The following MOV10L1 variants were observed in gnomAD, a reference collection of about 807,000 sequenced individuals.
The protein encoded by MOV10L1 is Mov10 like RNA helicase 1, also known as RNA helicase Mov10l1.
In MOV10L1, 110 loss-of-function variants were observed where a neutral mutation model predicts 143.8. The observed-to-expected ratio is 0.76, with a 90% CI of 0.66 to 0.90. The LOEUF is 0.90. Ranked by LOEUF, MOV10L1 falls within the 40% of genes least tolerant of loss-of-function variation. The pLI, the probability that MOV10L1 is intolerant of heterozygous loss-of-function variation, is 0.00. For synonymous variants in MOV10L1, 593 were observed against 581.1 expected (o/e 1.02, Z -0.29); for missense variants, 1,406 against 1,526.8 (o/e 0.92, Z 1.32).
chr22:50,151,568 C>T (rs1021209892), intron 21 of MOV10L1, among the ~76,000 whole-genome samples: 1 of 143,120 alleles, frequency 7.0e-6, no homozygotes, highest in African/African-American at 2.5e-5. Context: ...AGGGACTACC[C>T]GCAAGACAGG....
At chr22:50,139,973 A>G (rs1158111405) in intron 15 of MOV10L1, among the ~76,000 whole-genome samples, 3 of 152,108 alleles carry the variant, frequency 2.0e-5, no homozygotes, top group Non-Finnish European at 2.9e-5. Context: ...CTGCCATACA[A>G]CCCAGCCATT....
At chr22:50,135,636 A>G (rs975665381) in intron 15 of MOV10L1, among the ~76,000 whole-genome samples, 1 of 151,782 alleles carries the variant, frequency 6.6e-6, no homozygotes, top group East Asian at 2.0e-4. Context: ...CTGTAATCCC[A>G]GCTACTCAGG....
At chr22:50,136,640 T>A (rs1216141409) in intron 15 of MOV10L1, among the ~76,000 whole-genome samples, 1 of 152,034 alleles carries the variant, frequency 6.6e-6, no homozygotes, top group Non-Finnish European at 1.5e-5. Flanking sequence ...TGCAGTGACC[T>A]GAGTACAGAG....
At chr22:50,126,895 G>A (rs982038011) in intron 12 of MOV10L1, among the ~76,000 whole-genome samples, 1 of 152,216 alleles carries the variant, frequency 6.6e-6, no homozygotes, top group African/African-American at 2.4e-5. Context: ...ATAAGGATCT[G>A]GAGAAGAGGC....
chr22:50,091,647 C>G (rs985747948), intron 1 of MOV10L1, among the ~76,000 whole-genome samples: 1 of 152,172 alleles, frequency 6.6e-6, no homozygotes, highest in Non-Finnish European at 1.5e-5. Context: ...TAGTCTCCAT[C>G]TTACAGATGG....
At chr22:50,161,333 G>A (rs988417846) in intron 26 of MOV10L1, 35 bp from the exon 27 acceptor site, 4 of 1,508,966 alleles carry the variant, frequency 2.7e-6, no homozygotes, top group African/African-American at 1.4e-5. Flanking sequence ...GTGGGAGCCT[G>A]GCTCACTGGC....
intron 15 of MOV10L1, among the ~76,000 whole-genome samples, chr22:50,140,223 T>G (rs1223687712): frequency 1.3e-5 from 2 of 152,122 alleles, no homozygotes; most frequent in Non-Finnish European, 2.9e-5. Flanking sequence ...TTATATGAAG[T>G]ATGAAGTTCG....
intron 1 of MOV10L1, chr22:50,090,742 TCTCGGCTCACCGCAAC>T (rs1361216419): frequency 1.8e-6 from 1 of 542,408 alleles, no homozygotes; most frequent in Non-Finnish European, 3.3e-6. Context: ...AGTGGCGCAA[TCTCGGCTCACCGCAAC>T]CTCCGCCTTC....
At position 50,161,590 on chromosome 22, in the gene MOV10L1, G is replaced by A. The variant is rs2063561441; in HGVS notation, c.*141G>A. The A allele has an allele frequency of 1.1e-5, 9 of 784,812 alleles. No homozygotes were observed. The East Asian group carries it at 2.0e-4, about 17-fold the overall frequency. The allele number at this position is 784,812 out of a possible 1,614,324, so 48.6% of individuals were successfully genotyped here. A position where few individuals can be genotyped will look rare whatever the true frequency, so the allele number is the denominator to read the frequency against. ...TGGGTGTGGGGCTGCCAGGTTGGAC[G>A]CAGCTGCTGCTGCCCTGACTTTGGC... On this transcript the variant is annotated 3_prime_UTR_variant, in exon 27 of 27. Transcript: ENST00000262794.
chr22:50,112,722 A>G (rs2062056628), intron 5 of MOV10L1, among the ~76,000 whole-genome samples: 1 of 152,126 alleles, frequency 6.6e-6, no homozygotes, highest in African/African-American at 2.4e-5. Context: ...GTGCCAAGCG[A>G]GCTCCTGCTC....
chr22:50,134,100 C>T lies in MOV10L1; in HGVS notation c.1969+35C>T, dbSNP rs1445411285. On this transcript the variant is annotated intron_variant, in intron 14 of 26. Coordinates refer to ENST00000262794, the MANE Select transcript of MOV10L1 (RefSeq NM_018995.3). ...TTATAGAATGATAGTGTTACATCTTCACAGAGTATTTTTATAGGCTTCATG... is the reference window on the plus strand; with the variant it reads ...TTATAGAATGATAGTGTTACATCTTTACAGAGTATTTTTATAGGCTTCATG... The T allele has an allele frequency of 3.9e-6, 6 of 1,537,288 alleles. No homozygotes were observed. In the East Asian group the frequency reaches 1.1e-4, roughly 29 times the overall value.
Position 50,114,611 on chromosome 22 carries a change from G to C in MOV10L1, c.1115G>C (p.Gly372Ala), listed in dbSNP as rs775628108. The C allele has an allele frequency of 6.2e-6, 10 of 1,613,954 alleles. No individual in the cohort carries two copies. Among genetic ancestry groups the C allele is most frequent in the Non-Finnish European group, 6.8e-6 (8 of 1,179,976 alleles). Reference protein sequence around the residue: ...MSESSLVNNRGISPGDCTCKG... With the variant: ...MSESSLVNNRAISPGDCTCKG... ...GAGAGCAGTTTGGTGAACAACAGAG[G>C]AATCTCTCCAGGTAGTGGACGTTTC... The change falls in exon 7 of 27, where the codon GGA becomes GCA. Residue 372 changes from glycine to alanine, a missense_variant. This residue lies in a region of MOV10L1 where 1,233 missense variants were observed against 1,351.4 expected (regional missense o/e 0.91). Transcript: ENST00000262794.
intron 9 of MOV10L1, among the ~76,000 whole-genome samples, chr22:50,119,633 C>T (rs1019597031): frequency 8.0e-5 from 12 of 150,796 alleles, no homozygotes; most frequent in Admixed American, 2.7e-4. Context: ...TTACCTTGTT[C>T]GTGTTAGTAA....
At chr22:50,140,125 A>G (rs1027373030) in intron 15 of MOV10L1, among the ~76,000 whole-genome samples, 2 of 152,224 alleles carry the variant, frequency 1.3e-5, no homozygotes, top group African/African-American at 2.4e-5. Flanking sequence ...TTGTGTTCGT[A>G]CAATGGAACA....
intron 7 of MOV10L1, among the ~76,000 whole-genome samples, chr22:50,114,898 C>G (rs552167442): frequency 1.3e-5 from 2 of 152,330 alleles, no homozygotes; most frequent in South Asian, 4.1e-4. Flanking sequence ...CGGGGCAGGC[C>G]TTCTATCCCA....
At position 50,158,203 on chromosome 22, in the gene MOV10L1, GCAGGTACGCCCTGCC is replaced by G; in HGVS notation, c.3216+2_3216+16del. 11 of 1,614,112 alleles carry G rather than the reference GCAGGTACGCCCTGCC, an allele frequency of 6.8e-6. No homozygotes were observed. Among genetic ancestry groups the G allele is most frequent in the East Asian group, 2.2e-5 (1 of 44,880 alleles). On this transcript the variant is annotated splice_donor_variant and splice_donor_5th_base_variant and coding_sequence_variant and intron_variant, in exon 23 of 27. Coordinates refer to ENST00000262794, the MANE Select transcript of MOV10L1 (RefSeq NM_018995.3). LOFTEE classifies it high-confidence loss of function. The surrounding 1 kb of genome is among the most constrained non-coding windows in gnomAD (Gnocchi z 5.0). Reference sequence around the variant, plus strand: ...TTGGCGTCATCACGCCCTACCGGAAGCAGGTACGCCCTGCCCAGGCACGCCTGGTTCTGTGAGGTC... The same window carrying G: ...TTGGCGTCATCACGCCCTACCGGAAGCAGGCACGCCTGGTTCTGTGAGGTC...
In MOV10L1 at chr22:50,158,416, C is replaced by T. The variant is rs1173133435; in HGVS notation, c.3216+210C>T. Reference sequence around the variant, plus strand: ...CGGGCAGCTGCCAGCTTTTCTACGGCCAGAGCCTCGAACAGTTTTTACATT... The same window carrying T: ...CGGGCAGCTGCCAGCTTTTCTACGGTCAGAGCCTCGAACAGTTTTTACATT... On this transcript the variant is annotated intron_variant, in intron 23 of 26. Transcript: ENST00000262794. The surrounding 1 kb of genome is among the most constrained non-coding windows in gnomAD (Gnocchi z 5.0). 6 of 562,898 alleles carry T rather than the reference C, an allele frequency of 1.1e-5. No homozygotes were observed. Among genetic ancestry groups the T allele is most frequent in the African/African-American group, 7.7e-5 (4 of 51,908 alleles). 34.9% of individuals were successfully genotyped at this position (562,898 alleles called of 1,614,324 possible). A position where few individuals can be genotyped will look rare whatever the true frequency, so the allele number is the denominator to read the frequency against.
At chr22:50,106,934 C>A (rs553221223) in intron 3 of MOV10L1, among the ~76,000 whole-genome samples, 33 of 151,722 alleles carry the variant, frequency 2.2e-4, no homozygotes, top group Non-Finnish European at 4.1e-4. Flanking sequence ...ATCTCCTGAC[C>A]TCATGATCCA....
chr22:50,158,775 C>A lies in MOV10L1; in HGVS notation c.3216+569C>A, dbSNP rs1295893202. On this transcript the variant is annotated intron_variant, in intron 23 of 26. Transcript: ENST00000262794. This position sits in a 1 kb window ranked among gnomAD's most constrained non-coding sequence, Gnocchi z 5.0. Reference sequence around the variant, plus strand: ...ACCAAGCAGAACTTGGAAAGAACCCCCAAAATACAGAAGAAAAGGTGAGTC... The same window carrying A: ...ACCAAGCAGAACTTGGAAAGAACCCACAAAATACAGAAGAAAAGGTGAGTC... 1 of 152,748 alleles carries A rather than the reference C, an allele frequency of 6.5e-6. No homozygotes were observed. Among genetic ancestry groups the A allele is most frequent in the Non-Finnish European group, 1.5e-5 (1 of 68,540 alleles). The allele number at this position is 152,748 out of a possible 1,614,324, so 9.5% of individuals were successfully genotyped here.
Sources: gnomAD v4.1 joint callset for allele counts (sites outside exome capture counted in the v4.1 genomes callset) on GRCh38, gnomAD v4.1.1 for gene constraint, gnomAD v4.1.1 regional missense constraint, Gnocchi (gnomAD v3.1) non-coding constraint, MANE v1.5 for transcripts, NCBI Gene and HGNC (gene_info 2026-07-23, HGNC 2026-07-21) for gene names.